PTPRD: variants seen among roughly 807,000 people sequenced by gnomAD.
PTPRD encodes the protein receptor-type tyrosine-protein phosphatase delta.
A neutral mutation model predicts 214.5 loss-of-function variants in PTPRD; 34 were observed. The ratio of observed to expected loss-of-function variants is 0.16; its 90% CI spans 0.12 to 0.21. The LOEUF (loss-of-function observed/expected upper bound fraction) is 0.21. Ranked by LOEUF, PTPRD falls within the 10% of genes least tolerant of loss-of-function variation. PTPRD has a pLI of 1.00. For missense variants in PTPRD, 2,545 were observed against 2,398.7 expected, an observed-to-expected ratio of 1.06 and a Z score of -1.27; for synonymous variants, 1,128 against 845.7, an observed-to-expected ratio of 1.33 and a Z score of -5.79.
chr9:9,597,392 T>C (rs1004148435), intron 7 of PTPRD, among the ~76,000 whole-genome samples: 1 of 152,012 alleles, frequency 6.6e-6, no homozygotes, highest in African/African-American at 2.4e-5. Flanking sequence ...GGAACTGGCT[T>C]AAATTCCATC....
At chr9:9,836,754 T>C (rs1051728830) in intron 5 of PTPRD, among the ~76,000 whole-genome samples, 2 of 152,120 alleles carry the variant, frequency 1.3e-5, no homozygotes, top group Non-Finnish European at 2.9e-5. Flanking sequence ...CTCTATAAAA[T>C]AAGGAAGAAA....
intron 2 of PTPRD, among the ~76,000 whole-genome samples, chr9:10,449,741 G>T (rs1189959862): frequency 6.6e-6 from 1 of 151,656 alleles, no homozygotes; most frequent in Admixed American, 6.6e-5. Flanking sequence ...TCTGGGAGGT[G>T]TACCCAACAG....
intron 9 of PTPRD, among the ~76,000 whole-genome samples, chr9:9,380,844 T>C (rs1230594760): frequency 1.3e-5 from 2 of 152,202 alleles, no homozygotes; most frequent in Non-Finnish European, 1.5e-5. Context: ...CTGCCTCTTG[T>C]ATTAATAGTT....
At chr9:8,896,346 T>C (rs796382738) in intron 11 of PTPRD, among the ~76,000 whole-genome samples, 14 of 152,264 alleles carry the variant, frequency 9.2e-5, no homozygotes, top group African/African-American at 3.4e-4. Flanking sequence ...TCTAATAACA[T>C]TAAGCTTAAA....
At chr9:10,077,639 G>A (rs142199996) in intron 3 of PTPRD, among the ~76,000 whole-genome samples, 35 of 152,148 alleles carry the variant, frequency 2.3e-4, no homozygotes, top group South Asian at 2.1e-4. Flanking sequence ...AATCTTCACC[G>A]TCCTCCGTTC....
chr9:9,463,775 C>T (rs1183034015), intron 8 of PTPRD, among the ~76,000 whole-genome samples: 2 of 151,848 alleles, frequency 1.3e-5, no homozygotes, highest in East Asian at 3.9e-4. Flanking sequence ...CTTTTCGTTT[C>T]TTTTGAATAA....
intron 11 of PTPRD, among the ~76,000 whole-genome samples, chr9:8,940,280 C>CTTTTTTTTTTTTTTTTTTTTTTTTTT (rs34342718): frequency 7.9e-5 from 7 of 89,054 alleles, no homozygotes; most frequent in African/African-American, 3.1e-4. Flanking sequence ...TCTCTCTCTC[C>CTTTTTTTTTTTTTTTTTTTTTTTTTT]TTTTTTTTTT....
At chr9:10,439,962 T>C (rs2098747993) in intron 2 of PTPRD, among the ~76,000 whole-genome samples, 1 of 151,632 alleles carries the variant, frequency 6.6e-6, no homozygotes, top group Non-Finnish European at 1.5e-5. Flanking sequence ...TTTTGTAATA[T>C]AACGTTTGCA....
chr9:10,271,282 T>C (rs2094403375), intron 3 of PTPRD, among the ~76,000 whole-genome samples: 1 of 152,166 alleles, frequency 6.6e-6, no homozygotes, highest in Admixed American at 6.5e-5. Flanking sequence ...GAAGACAATC[T>C]ATGTACATTT....
chr9:9,938,302 A>G (rs1402017849), intron 5 of PTPRD, among the ~76,000 whole-genome samples: 1 of 152,198 alleles, frequency 6.6e-6, no homozygotes, highest in Non-Finnish European at 1.5e-5. Flanking sequence ...ACAACTTGAA[A>G]TTAGGTGGAT....
At chr9:8,736,157 G>C (rs931581275) in intron 11 of PTPRD, among the ~76,000 whole-genome samples, 2 of 152,152 alleles carry the variant, frequency 1.3e-5, no homozygotes, top group African/African-American at 4.8e-5. Context: ...CAGGACTTAA[G>C]AGTAATGGTG....
At chr9:8,368,387 T>C (rs376090104) in intron 39 of PTPRD, among the ~76,000 whole-genome samples, 14 of 152,110 alleles carry the variant, frequency 9.2e-5, no homozygotes, top group African/African-American at 3.4e-4. Flanking sequence ...CAAAAGTGAG[T>C]TGGTTGCTAT....
intron 12 of PTPRD, among the ~76,000 whole-genome samples, chr9:8,661,128 C>G (rs1039961202): frequency 6.6e-6 from 1 of 151,984 alleles, no homozygotes; most frequent in African/African-American, 2.4e-5. Flanking sequence ...ATACCCTGCT[C>G]TTTTTCATAT....
At chr9:10,461,841 CG>C (rs1566210343) in intron 2 of PTPRD, among the ~76,000 whole-genome samples, 1 of 152,010 alleles carries the variant, frequency 6.6e-6, no homozygotes, top group Non-Finnish European at 1.5e-5. Flanking sequence ...AGGCTGGTCT[CG>C]AGCTCCTGAC....
At chr9:8,401,696 T>A (rs2092420403) in intron 36 of PTPRD, among the ~76,000 whole-genome samples, 3 of 152,184 alleles carry the variant, frequency 2.0e-5, no homozygotes, top group Non-Finnish European at 4.4e-5. Flanking sequence ...GGAAGTAGGA[T>A]ATACACTTGC....
chr9:10,511,730 C>T (rs1040316757), intron 2 of PTPRD, among the ~76,000 whole-genome samples: 2 of 150,806 alleles, frequency 1.3e-5, no homozygotes, highest in African/African-American at 4.9e-5. Context: ...TCTTTAAAAA[C>T]TTTTTAGACA....
chr9:9,324,528 G>C (rs1360888526), intron 9 of PTPRD, among the ~76,000 whole-genome samples: 1 of 152,106 alleles, frequency 6.6e-6, no homozygotes, highest in Admixed American at 6.5e-5. Context: ...CCCACTTTTT[G>C]ATGGGGTTGT....
At chr9:10,218,709 G>A (rs987149594) in intron 3 of PTPRD, among the ~76,000 whole-genome samples, 2 of 151,644 alleles carry the variant, frequency 1.3e-5, no homozygotes, top group African/African-American at 4.8e-5. Context: ...AGAAATGTCT[G>A]GTATAAAGTT....
chr9:9,449,414 A>C (rs1375687913), intron 8 of PTPRD, among the ~76,000 whole-genome samples: 1 of 40,034 alleles, frequency 2.5e-5, no homozygotes, highest in Admixed American at 2.3e-4. Context: ...ATTGCTATAT[A>C]TATATTTTTA....
Sources: gnomAD v4.1 joint callset for allele counts (sites outside exome capture counted in the v4.1 genomes callset) on GRCh38, gnomAD v4.1.1 for gene constraint, MANE v1.5 for transcripts, NCBI Gene and HGNC (gene_info 2026-07-23, HGNC 2026-07-21) for gene names.